LIMD1: variants seen among roughly 807,000 people sequenced by gnomAD.
LIMD1 encodes LIM domain-containing protein 1.
LIMD1 carries 23 observed loss-of-function variants against 58.4 expected under a neutral mutation model. The ratio of observed to expected loss-of-function variants is 0.39; its 90% confidence interval spans 0.28 to 0.56. LIMD1 has a LOEUF of 0.56. LIMD1 is among the 20% of genes least tolerant of loss of function. LIMD1 has a pLI of 0.57. For missense variants in LIMD1, 838 were observed against 855.5 expected, an observed-to-expected ratio of 0.98 and a Z score of 0.25; for synonymous variants, 334 against 345.5, an observed-to-expected ratio of 0.97 and a Z score of 0.37.
chr3:45,597,096 G>A lies in LIMD1; in HGVS notation c.1408+809G>A, dbSNP rs529832703. 3.3e-5 allele frequency among the ~76,000 whole-genome samples: 5 copies of A among 151,968 alleles called. No individual in the cohort carries two copies. The South Asian group carries it at 8.3e-4, about 25-fold the overall frequency. On this transcript the variant is annotated intron_variant, in intron 1 of 7. Transcript: ENST00000273317. ...AGGATGTTCTCAATCTCCTGACCTC[G>A]TGATCCGCCCGCCTTGGCCTCCCAA...
intron 2 of LIMD1, among the ~76,000 whole-genome samples, chr3:45,641,166 T>A (rs1357719586): frequency 1.3e-5 from 2 of 152,072 alleles, no homozygotes; most frequent in Non-Finnish European, 2.9e-5. Flanking sequence ...CCCTCCTTCT[T>A]AGAAGAGAAA....
chr3:45,671,799 C>CA (rs1327834183), intron 4 of LIMD1, among the ~76,000 whole-genome samples: 4 of 152,180 alleles, frequency 2.6e-5, no homozygotes, highest in Non-Finnish European at 4.4e-5. Context: ...TCTGGGGCCA[C>CA]ACACATTTCG....
At chr3:45,667,053 G>A (rs752912425) in intron 3 of LIMD1, among the ~76,000 whole-genome samples, 13 of 152,310 alleles carry the variant, frequency 8.5e-5, no homozygotes, top group Admixed American at 3.3e-4. Context: ...GTTTTTGGCC[G>A]TGTATCTCAG....
intron 1 of LIMD1, among the ~76,000 whole-genome samples, chr3:45,599,241 T>C (rs971247773): frequency 2.0e-5 from 3 of 152,100 alleles, no homozygotes; most frequent in Non-Finnish European, 4.4e-5. Flanking sequence ...ATTCACAACG[T>C]TGTACAATGA....
chr3:45,624,008 C>T (rs1399269990), intron 1 of LIMD1, among the ~76,000 whole-genome samples: 3 of 152,178 alleles, frequency 2.0e-5, no homozygotes, highest in Non-Finnish European at 4.4e-5. Context: ...AAGACTGTTG[C>T]TGTGATCATT....
chr3:45,672,346 G>A (rs1356662489), intron 4 of LIMD1, among the ~76,000 whole-genome samples: 1 of 152,124 alleles, frequency 6.6e-6, no homozygotes, highest in Non-Finnish European at 1.5e-5. Context: ...TTTTGGCCCT[G>A]GGATTGGCCC....
intron 2 of LIMD1, among the ~76,000 whole-genome samples, chr3:45,658,793 G>A (rs1394490508): frequency 1.3e-5 from 2 of 151,744 alleles, no homozygotes; most frequent in Non-Finnish European, 2.9e-5. Context: ...GACTTCAGGC[G>A]ATCTGCCCGC....
intron 2 of LIMD1, among the ~76,000 whole-genome samples, chr3:45,653,422 C>T (rs1701994053): frequency 6.6e-6 from 1 of 152,160 alleles, no homozygotes; most frequent in Non-Finnish European, 1.5e-5. Flanking sequence ...GTTTGGGTGA[C>T]AGCCAGGGTC....
intron 1 of LIMD1, among the ~76,000 whole-genome samples, chr3:45,631,633 G>T (rs1248858381): frequency 1.3e-5 from 2 of 152,114 alleles, no homozygotes; most frequent in Non-Finnish European, 1.5e-5. Context: ...GAAGGCAGAG[G>T]GTCACAGCCC....
intron 1 of LIMD1, among the ~76,000 whole-genome samples, chr3:45,619,893 A>C (rs1285250837): frequency 6.9e-6 from 1 of 144,750 alleles, no homozygotes; most frequent in Non-Finnish European, 1.5e-5. Flanking sequence ...ACCCTAAATT[A>C]AGCTGAGACC....
intron 2 of LIMD1, among the ~76,000 whole-genome samples, chr3:45,657,908 C>G (rs574424426): frequency 6.6e-6 from 1 of 152,038 alleles, no homozygotes; most frequent in African/African-American, 2.4e-5. Context: ...TATTTCTGCC[C>G]GACTCTTTAC....
At chr3:45,658,669 C>T (rs1697384251) in intron 2 of LIMD1, among the ~76,000 whole-genome samples, 1 of 149,838 alleles carries the variant, frequency 6.7e-6, no homozygotes, top group Non-Finnish European at 1.5e-5. Context: ...GATTCTCCTG[C>T]CTCAGCCTCC....
chr3:45,631,097 G>A (rs1476494523), intron 1 of LIMD1, among the ~76,000 whole-genome samples: 1 of 152,030 alleles, frequency 6.6e-6, no homozygotes, highest in Non-Finnish European at 1.5e-5. Flanking sequence ...CCAGCTACTC[G>A]GGAGGCTGAG....
At position 45,595,052 on chromosome 3, in the gene LIMD1, A is replaced by T. The variant is rs1701329429; in HGVS notation, c.173A>T (p.Gln58Leu). The T allele has an allele frequency of 6.3e-7, 1 of 1,597,010 alleles. No individual in the cohort carries two copies. Among genetic ancestry groups the T allele is most frequent in the Non-Finnish European group, 8.6e-7 (1 of 1,169,568 alleles). The part of the protein sequence containing the change: ...FATKMAKIHL[Q>L]QQQQQLLQEE... Reference sequence around the variant, plus strand: ...ACCAAGATGGCCAAAATCCACCTCCAGCAGCAGCAGCAGCAGCTCCTGCAG... The same window carrying T: ...ACCAAGATGGCCAAAATCCACCTCCTGCAGCAGCAGCAGCAGCTCCTGCAG... Residue 58 changes from glutamine to leucine, a missense_variant, in exon 1 of 8, where the codon CAG becomes CTG. Physicochemically the swap from Gln to Leu is moderately radical, Grantham distance 113. Coordinates refer to ENST00000273317, the MANE Select transcript of LIMD1 (RefSeq NM_014240.3).
At chr3:45,673,691 A>C (rs142098310) in intron 6 of LIMD1, 186 bp downstream of exon 6, 8 of 614,224 alleles carry the variant, frequency 1.3e-5, no homozygotes, top group African/African-American at 1.1e-4. Context: ...AGGCAGGAAA[A>C]TTGCTTGAGG....
intron 2 of LIMD1, among the ~76,000 whole-genome samples, chr3:45,640,634 T>C (rs140007829): frequency 0.03 from 4,606 of 152,300 alleles, 76 homozygotes; most frequent in Non-Finnish European, 0.041. Flanking sequence ...TTCACCATGT[T>C]GGCCAGGCTG....
chr3:45,675,367 TA>T (rs1461657820), intron 7 of LIMD1, among the ~76,000 whole-genome samples: 2 of 152,152 alleles, frequency 1.3e-5, no homozygotes, highest in Non-Finnish European at 2.9e-5. Context: ...CCATCTCTAC[TA>T]AAAATACAAA....
In LIMD1 at chr3:45,676,919, C is replaced by T; in HGVS notation, c.1894-3C>T. ...TCCCCTGGACATGTCTGCCTCCCCA[C>T]AGGACTGTGGTCTGGAGCTCAATGA... On this transcript the variant is annotated splice_region_variant and splice_polypyrimidine_tract_variant and intron_variant, in intron 7 of 7. Coordinates refer to ENST00000273317, the MANE Select transcript of LIMD1 (RefSeq NM_014240.3). The T allele has an allele frequency of 3.1e-6, 5 of 1,614,118 alleles. No homozygotes were observed. Among genetic ancestry groups the T allele is most frequent in the Non-Finnish European group, 4.2e-6 (5 of 1,179,972 alleles).
intron 1 of LIMD1, chr3:45,635,913 G>C: frequency 1.0e-6 from 1 of 985,256 alleles, no homozygotes; most frequent in Non-Finnish European, 1.2e-6. Flanking sequence ...CTGGACATTA[G>C]CATAACAGTG....
Sources: allele counts gnomAD v4.1 joint callset (sites outside exome capture counted in the v4.1 genomes callset), GRCh38; gene constraint gnomAD v4.1.1; transcripts MANE v1.5; gene names NCBI Gene and HGNC (gene_info 2026-07-23, HGNC 2026-07-21).